METTL9: variants seen among roughly 807,000 people sequenced by gnomAD.
METTL9 encodes protein-L-histidine N-pros-methyltransferase.
A neutral mutation model predicts 36.0 loss-of-function variants in METTL9; 10 were observed. The observed-to-expected ratio is 0.28, with a 90% CI of 0.17 to 0.47. The LOEUF (loss-of-function observed/expected upper bound fraction) is 0.47. METTL9 is among the 20% of genes least tolerant of loss of function. The probability of loss-of-function intolerance (pLI) is 0.99; values close to 1 mark genes in which losing one functional copy is unlikely to be tolerated. For synonymous variants in METTL9, 175 were observed against 149.7 expected (o/e 1.17, Z -1.23); for missense variants, 246 against 383.5 (o/e 0.64, Z 3.00).
intron 4 of METTL9, among the ~76,000 whole-genome samples, chr16:21,634,482 A>G (rs562008600): frequency 6.6e-6 from 1 of 152,266 alleles, no homozygotes; most frequent in South Asian, 2.1e-4. Flanking sequence ...ATTGATAACA[A>G]GCCCTACCGG....
Position 21,655,269 on chromosome 16 carries a change from A to G in METTL9, c.794A>G (p.Lys265Arg). The G allele has an allele frequency of 1.2e-6, 2 of 1,614,236 alleles. No individual in the cohort carries two copies. Among genetic ancestry groups the G allele is most frequent in the Non-Finnish European group, 1.7e-6 (2 of 1,180,038 alleles). ...WEKPSEILEI[K>R]GQNWEEQVNS... Reference sequence around the variant, plus strand: ...AAACCATCAGAAATTTTGGAAATCAAAGGACAGAACTGGGAAGAACAAGTG... The same window carrying G: ...AAACCATCAGAAATTTTGGAAATCAGAGGACAGAACTGGGAAGAACAAGTG... Residue 265 changes from lysine to arginine, a missense_variant, in exon 5 of 5, where the codon AAA becomes AGA. Physicochemically the swap from Lys to Arg is conservative, Grantham distance 26 (BLOSUM62 2). Around this residue, in one of 2 missense-constraint regions of METTL9, gnomAD observed 146 missense variants for 302.1 expected, o/e 0.48. Coordinates refer to ENST00000358154, the MANE Select transcript of METTL9 (RefSeq NM_016025.5).
intron 3 of METTL9, among the ~76,000 whole-genome samples, chr16:21,624,689 T>G (rs1965779899): frequency 6.6e-6 from 1 of 151,514 alleles, no homozygotes; most frequent in South Asian, 2.1e-4. Context: ...ATTGCTCTAC[T>G]GTACTCCAGC....
chr16:21,639,276 C>T (rs923301623), intron 4 of METTL9, among the ~76,000 whole-genome samples: 52 of 152,138 alleles, frequency 3.4e-4, no homozygotes, highest in Admixed American at 6.5e-5. Flanking sequence ...TCCTTGCTTA[C>T]ATGGGAAAGG....
intron 4 of METTL9, among the ~76,000 whole-genome samples, chr16:21,630,946 C>G (rs534694800): frequency 3.8e-4 from 58 of 152,286 alleles, no homozygotes; most frequent in African/African-American, 1.4e-3. Flanking sequence ...CGTACTATCC[C>G]TGCCTGGTTA....
At chr16:21,643,155 C>G (rs1056938477) in intron 4 of METTL9, 1 of 1,598,686 alleles carries the variant, frequency 6.3e-7, no homozygotes, top group Non-Finnish European at 8.5e-7. Flanking sequence ...CACTCTTCTT[C>G]TATAAAGACA....
chr16:21,628,565 C>T (rs1045370838), intron 4 of METTL9, among the ~76,000 whole-genome samples: 4 of 152,160 alleles, frequency 2.6e-5, no homozygotes, highest in Non-Finnish European at 5.9e-5. Context: ...GCTGTCACAG[C>T]TCACTGCAGC....
At chr16:21,635,418 T>A (rs2141600992) in intron 4 of METTL9, among the ~76,000 whole-genome samples, 1 of 152,044 alleles carries the variant, frequency 6.6e-6, no homozygotes, top group East Asian at 1.9e-4. Context: ...GGCTAGGATA[T>A]GGGGGGTAAG....
rs138797235 is a variant in METTL9, at chr16:21,607,695, A to T, written c.166-4950A>T. On this transcript the variant is annotated intron_variant, in intron 1 of 4. Transcript: ENST00000358154. ...GAGTGAGCTTTAAAGGCAGATGCTA[A>T]TAAGATGCTTTTTCAGACATGGTAG... Among the ~76,000 whole-genome samples, 29 of 152,354 alleles carry T rather than the reference A, an allele frequency of 1.9e-4. 1 individual carries two copies. The highest frequency in any genetic ancestry group is 6.5e-4 in the African/African-American group (27 of 41,580).
At chr16:21,654,367 A>C (rs1966657874) in intron 4 of METTL9, 1 of 152,094 alleles carries the variant, frequency 6.6e-6, no homozygotes, top group Non-Finnish European at 1.5e-5. Flanking sequence ...TAACACTTCA[A>C]CAGATGTATG....
chr16:21,652,602 T>A (rs1433922128), intron 4 of METTL9: 2 of 1,607,288 alleles, frequency 1.2e-6, no homozygotes, highest in Admixed American at 3.4e-5. Context: ...TCCCCATTTC[T>A]GTGTATGCCG....
intron 4 of METTL9, among the ~76,000 whole-genome samples, chr16:21,642,577 T>A (rs1291861138): frequency 2.6e-5 from 4 of 152,200 alleles, no homozygotes; most frequent in African/African-American, 9.6e-5. Context: ...GTATTATAGA[T>A]ATACATGTAT....
chr16:21,627,477 T>A, intron 4 of METTL9: 1 of 590,736 alleles, frequency 1.7e-6, no homozygotes, highest in Non-Finnish European at 2.1e-6. Flanking sequence ...TTGAATCTAG[T>A]GAGAATTATT....
At chr16:21,610,057 C>A (rs1287857506) in intron 1 of METTL9, among the ~76,000 whole-genome samples, 1 of 152,046 alleles carries the variant, frequency 6.6e-6, no homozygotes, top group African/African-American at 2.4e-5. Flanking sequence ...TTAGTATAAT[C>A]ACAGAATTAT....
At chr16:21,625,167 A>G (rs753307327) in intron 4 of METTL9, 52 bp downstream of exon 4, 1 of 1,588,934 alleles carries the variant, frequency 6.3e-7, no homozygotes, top group Admixed American at 1.7e-5. Context: ...GTTTATTGGT[A>G]TTTGTGATTT....
intron 3 of METTL9, among the ~76,000 whole-genome samples, chr16:21,618,904 T>C (rs1965622894): frequency 1.3e-5 from 2 of 152,010 alleles, no homozygotes; most frequent in Admixed American, 1.3e-4. Flanking sequence ...TTAGTAGGGA[T>C]AGGGTTTCAC....
Position 21,652,594 on chromosome 16 carries a change from C to T in METTL9, c.752-2633C>T. 3 of 1,608,498 alleles carry T rather than the reference C, an allele frequency of 1.9e-6. No homozygotes were observed. Among genetic ancestry groups the T allele is most frequent in the Non-Finnish European group, 2.5e-6 (3 of 1,177,244 alleles). Reference sequence around the variant, plus strand: ...AGCGATGTTGCTTCTGCTCGCAGTCCCCATTTCTGTGTATGCCGGGGCGGG... The same window carrying T: ...AGCGATGTTGCTTCTGCTCGCAGTCTCCATTTCTGTGTATGCCGGGGCGGG... On this transcript the variant is annotated intron_variant, in intron 4 of 4. Transcript: ENST00000358154.
At chr16:21,619,471 A>C (rs907612177) in intron 3 of METTL9, among the ~76,000 whole-genome samples, 1 of 150,558 alleles carries the variant, frequency 6.6e-6, no homozygotes, top group Non-Finnish European at 1.5e-5. Context: ...CCCAAGCTGG[A>C]GTGCGGTGGC....
At chr16:21,611,401 C>T (rs1457357298) in intron 1 of METTL9, among the ~76,000 whole-genome samples, 1 of 152,174 alleles carries the variant, frequency 6.6e-6, no homozygotes, top group East Asian at 1.9e-4. Flanking sequence ...GGGACGTCTA[C>T]TGCTGATAAA....
chr16:21,617,839 C>A (rs772986273), intron 2 of METTL9, 26 bp from the exon 3 acceptor site: 21 of 1,601,670 alleles, frequency 1.3e-5, no homozygotes, highest in Non-Finnish European at 1.8e-5. Context: ...ATAGACACTT[C>A]CATTTTTGTC....
Sources: gnomAD v4.1 joint callset for allele counts (sites outside exome capture counted in the v4.1 genomes callset) on GRCh38, gnomAD v4.1.1 for gene constraint, gnomAD v4.1.1 regional missense constraint, MANE v1.5 for transcripts, NCBI Gene and HGNC (gene_info 2026-07-23, HGNC 2026-07-21) for gene names.